The following ARHGAP18 variants were observed in gnomAD, a reference collection of about 807,000 sequenced individuals.
ARHGAP18 encodes Rho GTPase activating protein 18.
Under a neutral mutation model 86.2 loss-of-function variants are expected in ARHGAP18, and 67 were observed. That is an observed-to-expected ratio of 0.78 (90% confidence interval 0.64 to 0.95). The LOEUF (loss-of-function observed/expected upper bound fraction) is 0.95. Ranked by LOEUF, ARHGAP18 falls within the 40% of genes least tolerant of loss-of-function variation. The pLI, the probability that ARHGAP18 is intolerant of heterozygous loss-of-function variation, is 0.00. For synonymous variants in ARHGAP18, 283 were observed against 280.4 expected, an observed-to-expected ratio of 1.01 and a Z score of -0.09; for missense variants, 691 against 780.4, an observed-to-expected ratio of 0.89 and a Z score of 1.37.
intron 1 of ARHGAP18, among the ~76,000 whole-genome samples, chr6:129,652,179 T>C (rs148636297): frequency 0.02 from 3,030 of 152,356 alleles, 53 homozygotes; most frequent in Non-Finnish European, 0.032. Flanking sequence ...GGTCTGTTTC[T>C]GAAGTTCTCC....
chr6:129,708,694 G>A (rs2068685), intron 1 of ARHGAP18, among the ~76,000 whole-genome samples: 17,045 of 152,130 alleles, frequency 0.11, 1,216 homozygotes, highest in East Asian at 0.2. Context: ...TATAATTTTG[G>A]CAATTTTGAC....
At position 129,625,369 on chromosome 6, in the gene ARHGAP18, A is replaced by ATATATAT. The variant is rs1415758836; in HGVS notation, c.786+3977_786+3983dup. 1.7e-4 allele frequency among the ~76,000 whole-genome samples: 8 copies of ATATATAT among 46,406 alleles called. 1 individual carries two copies. The highest frequency in any genetic ancestry group is 2.7e-4 in the Non-Finnish European group (7 of 25,836). 30.4% of individuals were successfully genotyped at this position (46,406 alleles called of 152,430 possible). On this transcript the variant is annotated intron_variant, in intron 5 of 14. Transcript: ENST00000368149. ...TATGTAATATATATTATGTATATTT[A>ATATATAT]TATATATTATATATTATATATTTAT...
chr6:129,632,791 G>A (rs1024997596), intron 4 of ARHGAP18, among the ~76,000 whole-genome samples: 2 of 152,154 alleles, frequency 1.3e-5, no homozygotes, highest in African/African-American at 4.8e-5. Flanking sequence ...GTGCCAGAGA[G>A]AAGTTCTGAG....
chr6:129,588,769 T>C (rs1788451160), intron 12 of ARHGAP18, among the ~76,000 whole-genome samples: 2 of 152,252 alleles, frequency 1.3e-5, no homozygotes, highest in Non-Finnish European at 2.9e-5. Context: ...GTTCTGCCCC[T>C]GCAGCAAATT....
intron 1 of ARHGAP18, among the ~76,000 whole-genome samples, chr6:129,703,723 T>C (rs1040001529): frequency 1.3e-5 from 2 of 152,210 alleles, no homozygotes; most frequent in African/African-American, 4.8e-5. Flanking sequence ...AAGAAGAAAC[T>C]ATGGATAGGG....
intron 12 of ARHGAP18, among the ~76,000 whole-genome samples, chr6:129,597,583 C>G (rs757070839): frequency 2.0e-5 from 3 of 152,130 alleles, no homozygotes; most frequent in Non-Finnish European, 2.9e-5. Flanking sequence ...CTCTGAGCTA[C>G]ATCCCTTCTA....
At chr6:129,709,389 A>T (rs1774860739) in intron 1 of ARHGAP18, among the ~76,000 whole-genome samples, 1 of 152,224 alleles carries the variant, frequency 6.6e-6, no homozygotes, top group Admixed American at 6.5e-5. Flanking sequence ...CTCTGCCTAT[A>T]AAGTGATTTA....
At chr6:129,672,131 C>T (rs968825378) in intron 1 of ARHGAP18, among the ~76,000 whole-genome samples, 1 of 152,140 alleles carries the variant, frequency 6.6e-6, no homozygotes, top group Non-Finnish European at 1.5e-5. Flanking sequence ...CTTTCTTCTA[C>T]TCCTGGCTCA....
chr6:129,687,135 C>A (rs1584114437), intron 1 of ARHGAP18, among the ~76,000 whole-genome samples: 1 of 152,010 alleles, frequency 6.6e-6, no homozygotes, highest in East Asian at 1.9e-4. Flanking sequence ...TAAAACCATT[C>A]TTTGCAAGCA....
At chr6:129,620,779 T>C (rs1789210633) in intron 5 of ARHGAP18, among the ~76,000 whole-genome samples, 2 of 152,196 alleles carry the variant, frequency 1.3e-5, no homozygotes, top group Non-Finnish European at 2.9e-5. Context: ...CAAAGTGTAG[T>C]CCAGGGACCA....
intron 1 of ARHGAP18, among the ~76,000 whole-genome samples, chr6:129,656,276 CAACAGGTGTTGCAGT>C (rs1226732118): frequency 6.6e-6 from 1 of 152,154 alleles, no homozygotes; most frequent in Non-Finnish European, 1.5e-5. Context: ...GTGGGACAAA[CAACAGGTGTTGCAGT>C]GCTCACTGCT....
chr6:129,679,745 C>T (rs1251452235), intron 1 of ARHGAP18, among the ~76,000 whole-genome samples: 4 of 152,168 alleles, frequency 2.6e-5, no homozygotes, highest in Non-Finnish European at 5.9e-5. Context: ...TATTTCTCTT[C>T]CCTCCTGCAT....
intron 1 of ARHGAP18, among the ~76,000 whole-genome samples, chr6:129,688,014 G>T (rs565146037): frequency 1.3e-5 from 2 of 152,294 alleles, no homozygotes; most frequent in South Asian, 4.1e-4. Flanking sequence ...AGTGATCCAT[G>T]ATGGAGCAAT....
intron 13 of ARHGAP18, among the ~76,000 whole-genome samples, chr6:129,582,737 G>A (rs964932877): frequency 6.6e-6 from 1 of 152,200 alleles, no homozygotes. Context: ...GAATGGTTAA[G>A]GGACTACCTT....
In ARHGAP18 at chr6:129,576,135, T is replaced by G. The variant is rs1788170373; in HGVS notation, c.*2378A>C. 1 of 152,320 alleles carries G rather than the reference T, an allele frequency of 6.6e-6. No individual in the cohort carries two copies. The highest frequency in any genetic ancestry group is 1.9e-4 in the East Asian group (1 of 5,190). 9.4% of individuals were successfully genotyped at this position (152,320 alleles called of 1,614,324 possible). On this transcript the variant is annotated 3_prime_UTR_variant, in exon 15 of 15. Transcript: ENST00000368149. Reference sequence around the variant, plus strand: ...TCCTCCTTTAAGAATTCAAATGTTTTAAACTCAAGGCAAATATATTTATTT... The same window carrying G: ...TCCTCCTTTAAGAATTCAAATGTTTGAAACTCAAGGCAAATATATTTATTT...
chr6:129,580,371 G>C (rs1315282596), intron 13 of ARHGAP18, among the ~76,000 whole-genome samples: 5 of 152,162 alleles, frequency 3.3e-5, no homozygotes, highest in Non-Finnish European at 7.3e-5. Context: ...TAGTAAACCA[G>C]TATCTAAATT....
rs397760014 is a variant in ARHGAP18 at position 129,585,036 on chromosome 6, T to TA, written c.1714-925dup. The stretch of plus-strand genomic sequence containing the variant: ...TATCATGTCCTTTTTTTTTTTTTTT[T>TA]AATGTACATGGTCTTGAATTGTTTT... On this transcript the variant is annotated intron_variant, in intron 12 of 14. Coordinates refer to ENST00000368149, the MANE Select transcript of ARHGAP18 (RefSeq NM_033515.3). Among the ~76,000 whole-genome samples the TA allele has an allele frequency of 2.9e-5, 4 of 139,834 alleles. No homozygotes were observed. The Admixed American group carries it at 2.9e-4, about 10-fold the overall frequency. 91.7% of individuals were successfully genotyped at this position (139,834 alleles called of 152,430 possible). A position where few individuals can be genotyped will look rare whatever the true frequency, so the allele number is the denominator to read the frequency against.
In ARHGAP18 at chr6:129,666,396, C is replaced by T. The variant is rs562687536; in HGVS notation, c.114-24378G>A. On this transcript the variant is annotated intron_variant, in intron 1 of 14. Transcript: ENST00000368149. The stretch of plus-strand genomic sequence containing the variant: ...CCCTCCATATAATGGGGATTGGCTT[C>T]AGGGCTCCCTGTGGATACCAAGCCC... Among the ~76,000 whole-genome samples, 683 of 152,360 alleles carry T rather than the reference C, an allele frequency of 4.5e-3. 3 individuals carry two copies. Among genetic ancestry groups the T allele is most frequent in the African/African-American group, 0.016 (645 of 41,584 alleles).
intron 12 of ARHGAP18, among the ~76,000 whole-genome samples, chr6:129,597,544 G>A (rs1036875501): frequency 1.3e-5 from 2 of 151,916 alleles, no homozygotes; most frequent in East Asian, 1.9e-4. Context: ...TGTAGATTAC[G>A]GTACCCTGGT....
Sources: allele counts gnomAD v4.1 joint callset (sites outside exome capture counted in the v4.1 genomes callset), GRCh38; gene constraint gnomAD v4.1.1; transcripts MANE v1.5; gene names NCBI Gene and HGNC (gene_info 2026-07-23, HGNC 2026-07-21).